Variants in MEIS2 observed in about 807,000 individuals in gnomAD.
MEIS2 encodes the protein Meis homeobox 2.
In MEIS2, 9 loss-of-function variants were observed where a neutral mutation model predicts 58.6. The ratio of observed to expected loss-of-function variants is 0.15; its 90% confidence interval spans 0.09 to 0.27. The LOEUF is 0.27. Ranked by LOEUF, MEIS2 falls within the 10% of genes least tolerant of loss-of-function variation. The probability of loss-of-function intolerance (pLI) is 1.00; values close to 1 mark genes in which losing one functional copy is unlikely to be tolerated. For missense variants in MEIS2, 427 were observed against 635.0 expected (o/e 0.67, Z 3.52); for synonymous variants, 221 against 228.4 (o/e 0.97, Z 0.29).
chr15:37,032,046 C>T (rs1269328481), intron 8 of MEIS2, among the ~76,000 whole-genome samples: 1 of 152,040 alleles, frequency 6.6e-6, no homozygotes, highest in African/African-American at 2.4e-5. Context: ...CATTATGTTG[C>T]CCAGGCTGGT....
chr15:37,076,250 G>T (rs1286584669), intron 7 of MEIS2, among the ~76,000 whole-genome samples: 1 of 151,908 alleles, frequency 6.6e-6, no homozygotes, highest in Non-Finnish European at 1.5e-5. Flanking sequence ...GGTAGAAATC[G>T]GAAAGAAAGA....
chr15:36,896,845 T>C (rs1432500043), intron 9 of MEIS2, 159 bp from the exon 10 acceptor site: 1 of 638,556 alleles, frequency 1.6e-6, no homozygotes, highest in African/African-American at 1.8e-5. Context: ...CAAAAATAGT[T>C]GACTGGGTAA....
At chr15:37,023,964 A>C (rs185573128) in intron 8 of MEIS2, among the ~76,000 whole-genome samples, 1 of 124,470 alleles carries the variant, frequency 8.0e-6, no homozygotes, top group East Asian at 2.3e-4. Flanking sequence ...CCCAGGCTGG[A>C]GTGCAGTGGC....
At chr15:37,060,127 C>G (rs1889006859) in intron 7 of MEIS2, among the ~76,000 whole-genome samples, 1 of 151,482 alleles carries the variant, frequency 6.6e-6, no homozygotes, top group Admixed American at 6.6e-5. Context: ...TTTTGTAGAG[C>G]TGGGGGTCTT....
chr15:37,043,415 A>C (rs551803984), intron 7 of MEIS2, among the ~76,000 whole-genome samples: 3 of 152,306 alleles, frequency 2.0e-5, no homozygotes, highest in African/African-American at 7.2e-5. Context: ...TATCTTCCAG[A>C]CAACCCATTT....
chr15:36,991,465 G>C (rs576031206), intron 8 of MEIS2, among the ~76,000 whole-genome samples: 1 of 151,926 alleles, frequency 6.6e-6, no homozygotes, highest in Admixed American at 6.6e-5. Context: ...CATTATTGTA[G>C]GTGGGATATT....
chr15:36,945,042 C>A (rs1415143551), intron 9 of MEIS2, among the ~76,000 whole-genome samples: 1 of 152,006 alleles, frequency 6.6e-6, no homozygotes, highest in East Asian at 1.9e-4. Flanking sequence ...GGTGTCTGCT[C>A]TCCTTGCAGT....
intron 8 of MEIS2, among the ~76,000 whole-genome samples, chr15:37,002,586 T>C (rs2141601752): frequency 6.6e-6 from 1 of 152,244 alleles, no homozygotes; most frequent in East Asian, 1.9e-4. Flanking sequence ...TAAATGAATA[T>C]ACGGTCAGGC....
intron 8 of MEIS2, among the ~76,000 whole-genome samples, chr15:36,983,183 T>A (rs2059985478): frequency 6.6e-6 from 1 of 152,144 alleles, no homozygotes; most frequent in African/African-American, 2.4e-5. Context: ...TTGCTTTTGG[T>A]CCTTATGTTT....
At chr15:36,915,045 T>A (rs977800827) in intron 9 of MEIS2, among the ~76,000 whole-genome samples, 5 of 152,176 alleles carry the variant, frequency 3.3e-5, no homozygotes, top group African/African-American at 1.2e-4. Flanking sequence ...CTGTGTATGT[T>A]CTTTTGCATT....
At chr15:36,946,444 A>T (rs1422361429) in intron 9 of MEIS2, among the ~76,000 whole-genome samples, 1 of 151,316 alleles carries the variant, frequency 6.6e-6, no homozygotes, top group Admixed American at 6.6e-5. Context: ...AAAAACTATC[A>T]TCTGAGAAGC....
At position 37,033,065 on chromosome 15, in the gene MEIS2, G is replaced by A. The variant is rs554897781; in HGVS notation, c.900+3749C>T. On this transcript the variant is annotated intron_variant, in intron 8 of 11. Coordinates refer to ENST00000561208, the MANE Select transcript of MEIS2 (RefSeq NM_170675.5). ...TGGAACTTGTTCTTCCAAGAAAACT[G>A]AGGGTGAATGATTTTTGTCATATTG... Among the ~76,000 whole-genome samples the A allele has an allele frequency of 2.8e-4, 43 of 152,292 alleles. No individual in the cohort carries two copies. The South Asian group carries it at 8.7e-3, about 31-fold the overall frequency.
At chr15:37,080,507 G>A (rs1396172478) in intron 7 of MEIS2, among the ~76,000 whole-genome samples, 1 of 151,992 alleles carries the variant, frequency 6.6e-6, no homozygotes, top group Non-Finnish European at 1.5e-5. Context: ...AGGAACAAGG[G>A]GCTGCTTCCT....
At chr15:36,952,607 C>CTCACTCTG (rs1490440825) in intron 8 of MEIS2, among the ~76,000 whole-genome samples, 1 of 139,994 alleles carries the variant, frequency 7.1e-6, no homozygotes, top group African/African-American at 2.7e-5. Context: ...GTCTCTCTCT[C>CTCACTCTG]TGTGTGTGTG....
chr15:36,900,517 G>C (rs947971272), intron 9 of MEIS2, among the ~76,000 whole-genome samples: 1 of 152,144 alleles, frequency 6.6e-6, no homozygotes, highest in African/African-American at 2.4e-5. Flanking sequence ...AAGACTGTTA[G>C]TTTAAAAATA....
intron 1 of MEIS2, chr15:37,098,940 C>T (rs1292895021): frequency 2.0e-6 from 2 of 985,456 alleles, no homozygotes; most frequent in Non-Finnish European, 2.4e-6. Context: ...GCGTCCTTGT[C>T]AATTTCAGAG....
intron 8 of MEIS2, chr15:36,972,889 G>A (rs2059616793): frequency 1.3e-5 from 2 of 151,978 alleles, no homozygotes; most frequent in South Asian, 4.1e-4. Context: ...CACATCTGTT[G>A]AAACTGCCTC....
chr15:36,935,890 C>T (rs538368291), intron 9 of MEIS2, among the ~76,000 whole-genome samples: 2 of 152,062 alleles, frequency 1.3e-5, no homozygotes, highest in Admixed American at 6.5e-5. Context: ...ATATTTAGCT[C>T]AGTTAAGAGC....
intron 8 of MEIS2, among the ~76,000 whole-genome samples, chr15:36,992,150 A>G (rs1189191598): frequency 1.3e-5 from 2 of 152,120 alleles, no homozygotes; most frequent in Non-Finnish European, 1.5e-5. Flanking sequence ...GGCTTCATTT[A>G]TAGTTTTACC....
Sources: gnomAD v4.1 joint callset for allele counts (sites outside exome capture counted in the v4.1 genomes callset) on GRCh38, gnomAD v4.1.1 for gene constraint, MANE v1.5 for transcripts, NCBI Gene and HGNC (gene_info 2026-07-23, HGNC 2026-07-21) for gene names.